RAP1GAP2: variants seen among roughly 807,000 people sequenced by gnomAD.
RAP1GAP2 encodes the protein RAP1 GTPase activating protein 2, also known as rap1 GTPase-activating protein 2.
A neutral mutation model predicts 95.0 loss-of-function variants in RAP1GAP2; 27 were observed. The observed-to-expected ratio is 0.28, with a 90% CI of 0.21 to 0.39. The LOEUF (loss-of-function observed/expected upper bound fraction) is 0.39, where lower values mean the gene tolerates loss of function less well. RAP1GAP2 is among the 10% of genes least tolerant of loss of function. The pLI is 1.00. For synonymous variants in RAP1GAP2, 373 were observed against 380.9 expected, an observed-to-expected ratio of 0.98 and a Z score of 0.24; for missense variants, 771 against 970.0, an observed-to-expected ratio of 0.79 and a Z score of 2.72.
At chr17:2,911,058 TGCTTGCTCATCTCAC>T (rs1373567445) in intron 3 of RAP1GAP2, among the ~76,000 whole-genome samples, 1 of 152,178 alleles carries the variant, frequency 6.6e-6, no homozygotes, top group African/African-American at 2.4e-5. Context: ...GCTCATCTCA[TGCTTGCTCATCTCAC>T]GCTTGCGGGC....
At chr17:2,991,688 T>G (rs2045758334) in intron 12 of RAP1GAP2, among the ~76,000 whole-genome samples, 1 of 152,224 alleles carries the variant, frequency 6.6e-6, no homozygotes, top group Non-Finnish European at 1.5e-5. Context: ...CCACCTTCCC[T>G]GTCACTCACC....
intron 13 of RAP1GAP2, among the ~76,000 whole-genome samples, chr17:2,996,936 G>T (rs963778179): frequency 1.3e-5 from 2 of 152,214 alleles, no homozygotes; most frequent in Non-Finnish European, 2.9e-5. Context: ...AGGAACAAAT[G>T]CATAGACAGG....
chr17:2,902,609 G>T lies in RAP1GAP2; in HGVS notation c.81-2675G>T, dbSNP rs2042061871. 6.6e-6 allele frequency among the ~76,000 whole-genome samples: 1 copy of T among 152,182 alleles called. No individual in the cohort carries two copies. The highest frequency in any genetic ancestry group is 2.4e-5 in the African/African-American group (1 of 41,448). ...CTGGACACAGCGCTGGAGCTTGCAT[G>T]AGGCTGGTCACCACTGGTGCTCATG... On this transcript the variant is annotated intron_variant, in intron 2 of 24. Transcript: ENST00000254695. This position sits in a 1 kb window ranked among gnomAD's most constrained non-coding sequence, Gnocchi z 4.1.
intron 3 of RAP1GAP2, among the ~76,000 whole-genome samples, chr17:2,932,456 T>C (rs1281652476): frequency 3.3e-5 from 5 of 151,844 alleles, no homozygotes; most frequent in Admixed American, 6.6e-5. Flanking sequence ...GTGTTCGGTA[T>C]GTGGTGTGTG....
chr17:3,019,255 A>G (rs2046876358), intron 18 of RAP1GAP2, among the ~76,000 whole-genome samples: 2 of 152,106 alleles, frequency 1.3e-5, no homozygotes, highest in South Asian at 4.1e-4. Context: ...TTCATAAAGC[A>G]AAGTGGGCCG....
chr17:3,033,610 C>G lies in RAP1GAP2; in HGVS notation c.*249C>G, dbSNP rs560828480. Reference sequence around the variant, plus strand: ...GGACGAGGCCTCCTTCCTCAGGTTCCTCCTGCTCCTGACCTCCCAGTGTGA... The same window carrying G: ...GGACGAGGCCTCCTTCCTCAGGTTCGTCCTGCTCCTGACCTCCCAGTGTGA... On this transcript the variant is annotated 3_prime_UTR_variant, in exon 25 of 25. Transcript: ENST00000254695. The surrounding 1 kb of genome is among the most constrained non-coding windows in gnomAD (Gnocchi z 4.9). 1 of 153,378 alleles carries G rather than the reference C, an allele frequency of 6.5e-6. No individual in the cohort carries two copies. The highest frequency in any genetic ancestry group is 2.1e-4 in the South Asian group (1 of 4,856). The allele number at this position is 153,378 out of a possible 1,614,324, so 9.5% of individuals were successfully genotyped here.
chr17:2,963,329 GC>G lies in RAP1GAP2; in HGVS notation c.247-94del. 5.2e-6 allele frequency: 7 copies of G among 1,339,318 alleles called. No individual in the cohort carries two copies. Among genetic ancestry groups the G allele is most frequent in the Non-Finnish European group, 6.4e-6 (6 of 932,270 alleles). 83.0% of individuals were successfully genotyped at this position (1,339,318 alleles called of 1,614,324 possible). A position where few individuals can be genotyped will look rare whatever the true frequency, so the allele number is the denominator to read the frequency against. On this transcript the variant is annotated intron_variant, in intron 5 of 24. Coordinates refer to ENST00000254695, the MANE Select transcript of RAP1GAP2 (RefSeq NM_015085.5). This position sits in a 1 kb window ranked among gnomAD's most constrained non-coding sequence, Gnocchi z 4.8. ...TTCCATCGAATGTTCCTCCCTCAAA[GC>G]CCCCCCACAACATATCCCCCTTGCA...
intron 2 of RAP1GAP2, among the ~76,000 whole-genome samples, chr17:2,803,498 A>G (rs951352105): frequency 1.3e-5 from 2 of 152,246 alleles, no homozygotes; most frequent in African/African-American, 4.8e-5. Flanking sequence ...GCAGACATGG[A>G]TAAGCTGATC....
At position 2,797,853 on chromosome 17, in the gene RAP1GAP2, G is replaced by A. The variant is rs1415327797; in HGVS notation, c.44+1282G>A. On this transcript the variant is annotated intron_variant, in intron 1 of 24. Transcript: ENST00000254695. The surrounding 1 kb of genome is among the most constrained non-coding windows in gnomAD (Gnocchi z 5.6). Reference sequence around the variant, plus strand: ...TGGGAGGGGTGTGTGTGTCTTGGCTGTGGGCCTTGCAGGGCAGGGCCCAGC... The same window carrying A: ...TGGGAGGGGTGTGTGTGTCTTGGCTATGGGCCTTGCAGGGCAGGGCCCAGC... 6 of 923,622 alleles carry A rather than the reference G, an allele frequency of 6.5e-6. No homozygotes were observed. Among genetic ancestry groups the A allele is most frequent in the Non-Finnish European group, 7.8e-6 (6 of 773,870 alleles). 57.2% of individuals were successfully genotyped at this position (923,622 alleles called of 1,614,324 possible). A position where few individuals can be genotyped will look rare whatever the true frequency, so the allele number is the denominator to read the frequency against.
At chr17:2,880,259 C>T (rs1328946011) in intron 2 of RAP1GAP2, among the ~76,000 whole-genome samples, 2 of 150,346 alleles carry the variant, frequency 1.3e-5, no homozygotes, top group Non-Finnish European at 3.0e-5. Flanking sequence ...AGTGGGAGGG[C>T]TCATCACAGG....
rs1270380805 is a variant in RAP1GAP2 at position 2,906,128 on chromosome 17, G to A, written c.165+760G>A. On this transcript the variant is annotated intron_variant, in intron 3 of 24. Transcript: ENST00000254695. This position sits in a 1 kb window ranked among gnomAD's most constrained non-coding sequence, Gnocchi z 4.3. ...CTCCCTCCTTCCTTCACACTCTGTG[G>A]AGTGAGTGAGGACTAGTGCTGAAGA... 1.3e-5 allele frequency among the ~76,000 whole-genome samples: 2 copies of A among 152,104 alleles called. No individual in the cohort carries two copies. Among genetic ancestry groups the A allele is most frequent in the Non-Finnish European group, 2.9e-5 (2 of 68,016 alleles).
chr17:2,971,100 G>T (rs1038870375), intron 8 of RAP1GAP2, among the ~76,000 whole-genome samples: 1 of 152,142 alleles, frequency 6.6e-6, no homozygotes, highest in African/African-American at 2.4e-5. Flanking sequence ...TTACTTGTAG[G>T]TAATTATCGA....
chr17:2,805,809 A>G (rs1266479512), intron 2 of RAP1GAP2, among the ~76,000 whole-genome samples: 1 of 151,792 alleles, frequency 6.6e-6, no homozygotes, highest in African/African-American at 2.4e-5. Flanking sequence ...CAGCTACCTG[A>G]GGTGACCGTC....
In RAP1GAP2 at chr17:3,026,423, A is replaced by G. The variant is rs746437903; in HGVS notation, c.1939A>G (p.Thr647Ala). The change falls in exon 21 of 25, where the codon ACT becomes GCT. Residue 647 changes from threonine (T) to alanine (A), a missense_variant. By Grantham distance (58) the Thr-to-Ala change is moderately conservative (BLOSUM62 0). Transcript: ENST00000254695. ...SSSSTSSVSSTAGEGEAMEEG... is the reference protein window; with the variant it reads ...SSSSTSSVSSAAGEGEAMEEG... ...CTCCAGCACCAGCAGCGTCAGCAGC[A>G]CTGCAGGGGAGGGCGAGGCCATGGA... 2.7e-5 allele frequency: 42 copies of G among 1,552,686 alleles called. 1 individual carries two copies. In the South Asian group the frequency reaches 4.3e-4, roughly 16 times the overall value.
chr17:2,988,251 T>C (rs1479079093), intron 11 of RAP1GAP2, among the ~76,000 whole-genome samples: 1 of 152,122 alleles, frequency 6.6e-6, no homozygotes, highest in Non-Finnish European at 1.5e-5. Flanking sequence ...TTTAGGTATT[T>C]GTAGATTCAC....
Position 2,872,213 on chromosome 17 carries a change from C to CAAA in RAP1GAP2, c.81-33052_81-33050dup, listed in dbSNP as rs562587177. 2.9e-3 allele frequency among the ~76,000 whole-genome samples: 216 copies of CAAA among 75,476 alleles called. 10 individuals are homozygous for CAAA. Among genetic ancestry groups the CAAA allele is most frequent in the African/African-American group, 5.9e-3 (121 of 20,400 alleles). 49.5% of individuals were successfully genotyped at this position (75,476 alleles called of 152,430 possible). Reference sequence around the variant, plus strand: ...TGGATGACAGAATGAGCCTCTGTCTCAAAAAAAAAAAAAAAAAAAAAGGTG... The same window carrying CAAA: ...TGGATGACAGAATGAGCCTCTGTCTCAAAAAAAAAAAAAAAAAAAAAAAAGGTG... On this transcript the variant is annotated intron_variant, in intron 2 of 24. Coordinates refer to ENST00000254695, the MANE Select transcript of RAP1GAP2 (RefSeq NM_015085.5).
intron 10 of RAP1GAP2, among the ~76,000 whole-genome samples, chr17:2,982,359 C>T (rs541505782): frequency 2.0e-5 from 3 of 152,230 alleles, no homozygotes; most frequent in Non-Finnish European, 2.9e-5. Context: ...AGGCTGGTCT[C>T]GAACTGACCT....
chr17:2,806,539 C>T (rs943443009), intron 2 of RAP1GAP2, among the ~76,000 whole-genome samples: 2 of 149,402 alleles, frequency 1.3e-5, no homozygotes, highest in Non-Finnish European at 3.0e-5. Flanking sequence ...ATTACAGGTG[C>T]GGCCCACCGT....
intron 2 of RAP1GAP2, among the ~76,000 whole-genome samples, chr17:2,824,740 CA>C (rs940171590): frequency 0.013 from 715 of 56,654 alleles, no homozygotes; most frequent in Middle Eastern, 0.041. Context: ...AACTCTGTCT[CA>C]AAAAAAAAAA....
Sources: allele counts gnomAD v4.1 joint callset (sites outside exome capture counted in the v4.1 genomes callset), GRCh38; gene constraint gnomAD v4.1.1; non-coding constraint Gnocchi (gnomAD v3.1); transcripts MANE v1.5; gene names NCBI Gene and HGNC (gene_info 2026-07-23, HGNC 2026-07-21).